ZNF469: variants seen among roughly 807,000 people sequenced by gnomAD.
ZNF469 encodes the protein zinc finger protein 469.
In ZNF469, 1 loss-of-function variant was observed where a neutral mutation model predicts 1.0. The observed-to-expected ratio is 1.00, with a 90% CI of 0.35 to 4.73. The LOEUF is 4.73. Ranked by LOEUF, ZNF469 falls within the 30% of genes most tolerant of loss-of-function variation. The pLI is 0.16. For missense variants in ZNF469, 6,100 were observed against 5,356.3 expected, an observed-to-expected ratio of 1.14 and a Z score of -4.33; for synonymous variants, 2,703 against 2,363.4, an observed-to-expected ratio of 1.14 and a Z score of -4.17.
chr16:88,430,340 A>G lies in ZNF469; in HGVS notation c.2870A>G (p.Asp957Gly). 6.6e-7 allele frequency: 1 copy of G among 1,514,490 alleles called. No homozygotes were observed. Among genetic ancestry groups the G allele is most frequent in the Non-Finnish European group, 8.8e-7 (1 of 1,135,674 alleles). The allele number at this position is 1,514,490 out of a possible 1,614,324, so 93.8% of individuals were successfully genotyped here. Residue 957 changes from aspartate to glycine, a missense_variant, in exon 3 of 3, where the codon GAT becomes GGT. Physicochemically the swap from Asp to Gly is moderately conservative, Grantham distance 94. Coordinates refer to ENST00000565624, the MANE Select transcript of ZNF469 (RefSeq NM_001367624.2). ...AAGCAGTTGAAGCTGTTCCGGAAGG[A>G]TCTGGACTCGGGCGGCGCAGCAGAG... ...RGKQLKLFRK[D>G]LDSGGAAEGS...
At chr16:88,264,258 C>T in the ZNF469 span, among the ~76,000 whole-genome samples, 2 of 152,038 alleles carry the variant, frequency 1.3e-5, no homozygotes, top group Non-Finnish European at 2.9e-5. Context: ...CAGAGAGGAG[C>T]GGACGCCCCG....
chr16:88,345,878 T>C, the ZNF469 span, among the ~76,000 whole-genome samples: 1 of 152,290 alleles, frequency 6.6e-6, no homozygotes, highest in East Asian at 1.9e-4. Flanking sequence ...TCAGCAACTC[T>C]GCCCTTCATC....
At chr16:88,117,394 G>GA in the ZNF469 span, among the ~76,000 whole-genome samples, 159 of 151,332 alleles carry the variant, frequency 1.1e-3, no homozygotes, top group African/African-American at 3.8e-3. Context: ...TTTACAAAAA[G>GA]AAAAAAATGA....
chr16:88,436,616 T>G lies in ZNF469; in HGVS notation c.9146T>G (p.Leu3049Arg), dbSNP rs1262019733. 6.5e-7 allele frequency: 1 copy of G among 1,550,348 alleles called. No individual in the cohort carries two copies. The highest frequency in any genetic ancestry group is 8.7e-7 in the Non-Finnish European group (1 of 1,146,972). ...LPLRATDFEVLSTKFEMQDLC... is the reference protein window; with the variant it reads ...LPLRATDFEVRSTKFEMQDLC... The stretch of plus-strand genomic sequence containing the variant: ...CTCCGTGCCACGGACTTTGAGGTGC[T>G]CAGCACCAAGTTTGAGATGCAAGAC... Residue 3049 changes from leucine to arginine, a missense_variant, in exon 3 of 3, where the codon CTC becomes CGC. Coordinates refer to ENST00000565624, the MANE Select transcript of ZNF469 (RefSeq NM_001367624.2).
At chr16:88,300,210 C>A in the ZNF469 span, among the ~76,000 whole-genome samples, 1 of 152,164 alleles carries the variant, frequency 6.6e-6, no homozygotes, top group African/African-American at 2.4e-5. Context: ...ATTCTACTCC[C>A]AGAGCCACTG....
Position 88,438,308 on chromosome 16 carries a change from G to T in ZNF469, c.10838G>T (p.Gly3613Val), listed in dbSNP as rs568704426. The change falls in exon 3 of 3, where the codon GGA (glycine) becomes GTA (valine). Residue 3613 changes from glycine to valine, a missense_variant. Transcript: ENST00000565624. Reference protein sequence around the residue: ...RPGARGQDAEGKRAPLVFSGK... With the variant: ...RPGARGQDAEVKRAPLVFSGK... Reference sequence around the variant, plus strand: ...GGAGCCAGAGGCCAAGATGCGGAGGGAAAGAGGGCTCCTCTCGTGTTCTCA... The same window carrying T: ...GGAGCCAGAGGCCAAGATGCGGAGGTAAAGAGGGCTCCTCTCGTGTTCTCA... 6.5e-7 allele frequency: 1 copy of T among 1,549,692 alleles called. No homozygotes were observed. Among genetic ancestry groups the T allele is most frequent in the Non-Finnish European group, 8.7e-7 (1 of 1,146,454 alleles).
At chr16:88,264,287 A>G in the ZNF469 span, among the ~76,000 whole-genome samples, 1 of 151,506 alleles carries the variant, frequency 6.6e-6, no homozygotes, top group South Asian at 2.1e-4. Flanking sequence ...GCCCTGCCCT[A>G]GGCTGGCCAC....
chr16:88,203,556 C>T, the ZNF469 span, among the ~76,000 whole-genome samples: 2 of 152,170 alleles, frequency 1.3e-5, no homozygotes, highest in South Asian at 4.1e-4. Context: ...AATTCACTCC[C>T]TCTCAGCCTG....
the ZNF469 span, among the ~76,000 whole-genome samples, chr16:88,226,751 C>A: frequency 6.7e-6 from 1 of 150,286 alleles, no homozygotes; most frequent in Non-Finnish European, 1.5e-5. Flanking sequence ...CCCCCAACCC[C>A]CACCTCCAGC....
chr16:88,151,009 T>C, the ZNF469 span, among the ~76,000 whole-genome samples: 1 of 152,192 alleles, frequency 6.6e-6, no homozygotes, highest in Non-Finnish European at 1.5e-5. The surrounding 1 kb of genome is among the most constrained non-coding windows in gnomAD (Gnocchi z 5.4). Flanking sequence ...TGCTTATGTA[T>C]AATTTACGAC....
At chr16:88,202,792 GTGA>G in the ZNF469 span, among the ~76,000 whole-genome samples, 1 of 152,236 alleles carries the variant, frequency 6.6e-6, no homozygotes, top group African/African-American at 2.4e-5. Flanking sequence ...GGGTGAGGAG[GTGA>G]TGAGGGGCAG....
At chr16:88,249,879 A>G in the ZNF469 span, among the ~76,000 whole-genome samples, 19,814 of 152,010 alleles carry the variant, frequency 0.13, 1,606 homozygotes, top group East Asian at 0.37. Context: ...ACCTGCTTCT[A>G]GATCATGTGT....
the ZNF469 span, among the ~76,000 whole-genome samples, chr16:88,127,035 C>T: frequency 6.6e-6 from 1 of 152,200 alleles, no homozygotes; most frequent in Non-Finnish European, 1.5e-5. Context: ...GTTGGCCAGG[C>T]TGGTCTCGAA....
the ZNF469 span, among the ~76,000 whole-genome samples, chr16:88,280,088 C>T: frequency 4.7e-5 from 7 of 148,746 alleles, no homozygotes; most frequent in East Asian, 7.9e-4. Flanking sequence ...CAGTCGGTAC[C>T]GTGTACATAT....
the ZNF469 span, among the ~76,000 whole-genome samples, chr16:88,174,188 T>C: frequency 3.2e-3 from 493 of 152,266 alleles, 3 homozygotes; most frequent in African/African-American, 0.011. Context: ...AATAGAAAGA[T>C]AGAGTGGCTC....
At chr16:88,238,304 C>T in the ZNF469 span, among the ~76,000 whole-genome samples, 2 of 152,200 alleles carry the variant, frequency 1.3e-5, no homozygotes, top group South Asian at 4.1e-4. Context: ...CCCTTCTGTC[C>T]CTCTGTCGGG....
chr16:88,156,688 G>A, the ZNF469 span, among the ~76,000 whole-genome samples: 1 of 152,210 alleles, frequency 6.6e-6, no homozygotes, highest in Non-Finnish European at 1.5e-5. Context: ...GACCCCTGGA[G>A]CACCAGGTGA....
the ZNF469 span, among the ~76,000 whole-genome samples, chr16:88,258,798 G>A: frequency 2.0e-5 from 3 of 152,332 alleles, no homozygotes; most frequent in East Asian, 3.9e-4. Flanking sequence ...AGTGGGAGGT[G>A]TACAAACAGC....
chr16:88,292,439 G>A, the ZNF469 span, among the ~76,000 whole-genome samples: 1 of 152,316 alleles, frequency 6.6e-6, no homozygotes, highest in Admixed American at 6.5e-5. Context: ...TCTATGAATT[G>A]AGACTGATAA....
Sources: allele counts gnomAD v4.1 joint callset (sites outside exome capture counted in the v4.1 genomes callset), GRCh38; gene constraint gnomAD v4.1.1; non-coding constraint Gnocchi (gnomAD v3.1); transcripts MANE v1.5; gene names NCBI Gene and HGNC (gene_info 2026-07-23, HGNC 2026-07-21).